Variants in PSMA8 observed in about 807,000 individuals in gnomAD.
PSMA8 encodes the protein proteasome subunit alpha-type 8.
PSMA8 carries 18 observed loss-of-function variants against 32.4 expected under a neutral mutation model. The ratio of observed to expected loss-of-function variants is 0.56; its 90% CI spans 0.38 to 0.82. The LOEUF (loss-of-function observed/expected upper bound fraction) is 0.82, where lower values mean the gene tolerates loss of function less well. Ranked by LOEUF, PSMA8 falls within the 40% of genes least tolerant of loss-of-function variation. PSMA8 has a pLI of 0.00. For missense variants in PSMA8, 298 were observed against 300.7 expected (o/e 0.99, Z 0.07); for synonymous variants, 104 against 98.1 (o/e 1.06, Z -0.36).
chr18:26,177,214 A>G (rs943979282), intron 4 of PSMA8, among the ~76,000 whole-genome samples: 2 of 152,148 alleles, frequency 1.3e-5, no homozygotes, highest in African/African-American at 2.4e-5. Flanking sequence ...CCTAAAAGAC[A>G]TTTGACAATG....
intron 3 of PSMA8, among the ~76,000 whole-genome samples, chr18:26,152,334 GTGTT>G (rs1568058357): frequency 6.6e-6 from 1 of 151,786 alleles, no homozygotes; most frequent in Non-Finnish European, 1.5e-5. Context: ...TTTTGTTTTT[GTGTT>G]TTTTGAGACA....
At chr18:26,152,028 A>G (rs754208496) in intron 3 of PSMA8, 46 bp downstream of exon 3, 1 of 1,515,450 alleles carries the variant, frequency 6.6e-7, no homozygotes, top group East Asian at 2.3e-5. Context: ...CTCCTTTTTC[A>G]TCATTATAAG....
intron 1 of PSMA8, among the ~76,000 whole-genome samples, chr18:26,135,169 G>A (rs1013160833): frequency 6.6e-6 from 1 of 152,072 alleles, no homozygotes; most frequent in Non-Finnish European, 1.5e-5. Flanking sequence ...TTTTAACTAC[G>A]TTCAATAATT....
intron 2 of PSMA8, 150 bp from the exon 3 acceptor site, chr18:26,151,708 C>T: frequency 1.7e-6 from 1 of 584,702 alleles, no homozygotes; most frequent in Middle Eastern, 4.9e-4. Flanking sequence ...ACAAATGACA[C>T]TTTATCTCAC....
chr18:26,162,985 A>C (rs2055147371), intron 4 of PSMA8, among the ~76,000 whole-genome samples: 1 of 151,972 alleles, frequency 6.6e-6, no homozygotes, highest in Non-Finnish European at 1.5e-5. Flanking sequence ...GGATTCCCAA[A>C]GATTATTCAC....
intron 3 of PSMA8, among the ~76,000 whole-genome samples, chr18:26,153,529 T>C (rs1319342726): frequency 6.6e-6 from 1 of 152,218 alleles, no homozygotes; most frequent in East Asian, 1.9e-4. Flanking sequence ...CAAATAAGTA[T>C]CACACAGTAC....
chr18:26,147,637 T>G (rs1421445774), intron 2 of PSMA8, among the ~76,000 whole-genome samples: 2 of 152,208 alleles, frequency 1.3e-5, no homozygotes, highest in Non-Finnish European at 2.9e-5. Context: ...ATATTGTTTG[T>G]TAGCATGTAG....
At chr18:26,136,227 A>G (rs1453592890) in intron 1 of PSMA8, among the ~76,000 whole-genome samples, 3 of 152,144 alleles carry the variant, frequency 2.0e-5, no homozygotes, top group Non-Finnish European at 4.4e-5. Context: ...TGTAAATGCA[A>G]ATTTGTTTAA....
At chr18:26,177,300 T>C (rs902689482) in intron 4 of PSMA8, among the ~76,000 whole-genome samples, 1 of 152,194 alleles carries the variant, frequency 6.6e-6, no homozygotes, top group African/African-American at 2.4e-5. Flanking sequence ...TGGAGGCAGC[T>C]AAAAATCCCA....
intron 2 of PSMA8, among the ~76,000 whole-genome samples, chr18:26,148,984 G>A (rs1256232874): frequency 6.6e-6 from 1 of 151,972 alleles, no homozygotes; most frequent in African/African-American, 2.4e-5. Context: ...ATGCAGGTGT[G>A]TGCCACTGCA....
intron 4 of PSMA8, among the ~76,000 whole-genome samples, chr18:26,160,140 A>T (rs1283987731): frequency 2.0e-5 from 3 of 152,094 alleles, no homozygotes; most frequent in African/African-American, 7.2e-5. Context: ...CACTTCTACA[A>T]AAACAATTTA....
intron 3 of PSMA8, among the ~76,000 whole-genome samples, chr18:26,153,222 T>C (rs991178386): frequency 1.3e-5 from 2 of 152,228 alleles, no homozygotes; most frequent in African/African-American, 4.8e-5. Context: ...TGTCATAATT[T>C]AGTTACATTG....
chr18:26,153,508 C>G (rs2055062722), intron 3 of PSMA8, among the ~76,000 whole-genome samples: 1 of 152,096 alleles, frequency 6.6e-6, no homozygotes, highest in Non-Finnish European at 1.5e-5. Flanking sequence ...TTTCATTGTT[C>G]TTTTATTTTG....
At chr18:26,142,668 A>G (rs2054968424) in intron 1 of PSMA8, among the ~76,000 whole-genome samples, 1 of 152,180 alleles carries the variant, frequency 6.6e-6, no homozygotes, top group South Asian at 2.1e-4. Context: ...ATTTCTCACA[A>G]TTCTAAAGAC....
At chr18:26,169,830 G>A (rs1408461600) in intron 4 of PSMA8, among the ~76,000 whole-genome samples, 1 of 119,128 alleles carries the variant, frequency 8.4e-6, no homozygotes, top group East Asian at 2.4e-4. Context: ...TGGGCAACAA[G>A]AGCGAAACGC....
intron 6 of PSMA8, among the ~76,000 whole-genome samples, chr18:26,185,637 G>A (rs1334087760): frequency 1.3e-5 from 2 of 150,808 alleles, no homozygotes; most frequent in African/African-American, 2.4e-5. Context: ...CACTGATATA[G>A]AATGGATGTT....
Position 26,190,980 on chromosome 18 carries a change from G to A in PSMA8, c.661-1339G>A, listed in dbSNP as rs73409506. 7.1e-3 allele frequency among the ~76,000 whole-genome samples: 1,082 copies of A among 152,132 alleles called. 16 individuals are homozygous for A. The highest frequency in any genetic ancestry group is 0.025 in the African/African-American group (1,025 of 41,506). ...GATGGGTAAATTCATTTCATAAAACGTTCAAATAATATATTTTATGTAGAT... is the reference window on the plus strand; with the variant it reads ...GATGGGTAAATTCATTTCATAAAACATTCAAATAATATATTTTATGTAGAT... On this transcript the variant is annotated intron_variant, in intron 6 of 6. Transcript: ENST00000415576.
At chr18:26,176,489 C>T (rs761434217) in intron 4 of PSMA8, among the ~76,000 whole-genome samples, 7 of 152,136 alleles carry the variant, frequency 4.6e-5, no homozygotes, top group Non-Finnish European at 7.3e-5. Context: ...TATTAATCCT[C>T]TGAAATATAA....
At chr18:26,166,945 G>T (rs954044424) in intron 4 of PSMA8, among the ~76,000 whole-genome samples, 1 of 152,038 alleles carries the variant, frequency 6.6e-6, no homozygotes, top group Non-Finnish European at 1.5e-5. Flanking sequence ...AAATCACATG[G>T]GTCAACATTT....
Sources: allele counts gnomAD v4.1 joint callset (sites outside exome capture counted in the v4.1 genomes callset), GRCh38; gene constraint gnomAD v4.1.1; transcripts MANE v1.5; gene names NCBI Gene and HGNC (gene_info 2026-07-23, HGNC 2026-07-21).